TENM3: variants seen among roughly 807,000 people sequenced by gnomAD.
TENM3 encodes the protein teneurin-3.
TENM3 carries 63 observed loss-of-function variants against 255.1 expected under a neutral mutation model. That is an observed-to-expected ratio of 0.25 (90% CI 0.20 to 0.30). The LOEUF is 0.30. Among genes scored for constraint, TENM3 ranks in the 10% least tolerant of loss-of-function variants. TENM3 has a pLI of 1.00. For missense variants in TENM3, 2,929 were observed against 3,461.1 expected (o/e 0.85, Z 3.86); for synonymous variants, 1,306 against 1,322.3 (o/e 0.99, Z 0.27).
chr4:181,757,508 T>C, the TENM3 span, among the ~76,000 whole-genome samples: 1 of 152,174 alleles, frequency 6.6e-6, no homozygotes, highest in African/African-American at 2.4e-5. Context: ...CCAAATGTAA[T>C]AGAAACCAGG....
chr4:181,532,597 T>C, the TENM3 span, among the ~76,000 whole-genome samples: 1 of 152,210 alleles, frequency 6.6e-6, no homozygotes, highest in Non-Finnish European at 1.5e-5. Context: ...AACACCCTAT[T>C]TGAGTATATC....
At chr4:182,326,808 G>A (rs143619240) in intron 2 of TENM3, among the ~76,000 whole-genome samples, 3 of 152,260 alleles carry the variant, frequency 2.0e-5, no homozygotes, top group Admixed American at 6.5e-5. Context: ...CTCCCTAAGT[G>A]CTGAAATAAC....
the TENM3 span, among the ~76,000 whole-genome samples, chr4:182,007,414 G>A: frequency 6.6e-6 from 1 of 152,092 alleles, no homozygotes; most frequent in African/African-American, 2.4e-5. Flanking sequence ...CTCCTGTATT[G>A]GGTGCATATA....
the TENM3 span, among the ~76,000 whole-genome samples, chr4:181,607,129 G>C: frequency 6.6e-6 from 1 of 152,186 alleles, no homozygotes; most frequent in Non-Finnish European, 1.5e-5. Flanking sequence ...AGACAGAGTT[G>C]GAATTTGGTC....
intron 3 of TENM3, among the ~76,000 whole-genome samples, chr4:182,526,841 G>A (rs887126158): frequency 6.6e-6 from 1 of 152,162 alleles, no homozygotes; most frequent in African/African-American, 2.4e-5. Context: ...GTTGAATTGT[G>A]TGATGATAGT....
Position 182,359,223 on chromosome 4 carries a change from G to A in TENM3, c.511+12294G>A, listed in dbSNP as rs1036958511. The stretch of plus-strand genomic sequence containing the variant: ...TGCCCGGCTTTGGTATCGGGATGAT[G>A]CTGGCCTCATAAAATGAGTTAGGGA... On this transcript the variant is annotated intron_variant, in intron 3 of 27. Coordinates refer to ENST00000511685, the MANE Select transcript of TENM3 (RefSeq NM_001080477.4). Among the ~76,000 whole-genome samples, 8 of 152,178 alleles carry A rather than the reference G, an allele frequency of 5.3e-5. No homozygotes were observed. The East Asian group carries it at 9.6e-4, about 18-fold the overall frequency.
chr4:182,270,744 A>G (rs1417580256), intron 1 of TENM3, among the ~76,000 whole-genome samples: 1 of 152,256 alleles, frequency 6.6e-6, no homozygotes, highest in Non-Finnish European at 1.5e-5. Context: ...ATGTTTGTGT[A>G]TAACCTGATA....
chr4:181,597,573 G>C, the TENM3 span, among the ~76,000 whole-genome samples: 1 of 151,420 alleles, frequency 6.6e-6, no homozygotes, highest in South Asian at 2.1e-4. Flanking sequence ...TTCCTTAACA[G>C]TTGTCTATGA....
At chr4:181,638,173 G>A in the TENM3 span, among the ~76,000 whole-genome samples, 2 of 152,168 alleles carry the variant, frequency 1.3e-5, no homozygotes, top group African/African-American at 4.8e-5. Context: ...TACTTAAACT[G>A]GTTGTTGGTA....
chr4:182,083,547 G>T, the TENM3 span, among the ~76,000 whole-genome samples: 2 of 151,904 alleles, frequency 1.3e-5, no homozygotes, highest in South Asian at 2.1e-4. Context: ...TAAATGTGCC[G>T]CATTTTAGAC....
chr4:182,502,208 G>T (rs1339197791), intron 3 of TENM3, among the ~76,000 whole-genome samples: 1 of 152,106 alleles, frequency 6.6e-6, no homozygotes, highest in Non-Finnish European at 1.5e-5. Flanking sequence ...CTACCACCCT[G>T]CACCTCAAGG....
intron 3 of TENM3, among the ~76,000 whole-genome samples, chr4:182,413,007 G>GA (rs1770105119): frequency 6.6e-6 from 1 of 151,886 alleles, no homozygotes; most frequent in Non-Finnish European, 1.5e-5. Context: ...AACATAATTG[G>GA]AAAAAATTAT....
At chr4:182,347,380 A>G (rs1764897335) in intron 3 of TENM3, among the ~76,000 whole-genome samples, 1 of 152,190 alleles carries the variant, frequency 6.6e-6, no homozygotes, top group Non-Finnish European at 1.5e-5. Context: ...AAATCTTAGA[A>G]TGGATGAGTG....
chr4:181,656,925 A>G, the TENM3 span, among the ~76,000 whole-genome samples: 1 of 152,248 alleles, frequency 6.6e-6, no homozygotes, highest in Admixed American at 6.5e-5. Flanking sequence ...TTGTAGCAAC[A>G]CAATGACGTA....
chr4:181,595,360 G>A, the TENM3 span, among the ~76,000 whole-genome samples: 1,525 of 150,526 alleles, frequency 0.01, 21 homozygotes, highest in African/African-American at 0.035. Flanking sequence ...AAACCCAGGA[G>A]GCGGAGGCTG....
intron 1 of TENM3, among the ~76,000 whole-genome samples, chr4:182,295,261 C>CTTTTTTTTTT (rs752005972): frequency 6.0e-4 from 42 of 70,434 alleles, no homozygotes; most frequent in East Asian, 1.1e-3. Context: ...CTTTGCTTTT[C>CTTTTTTTTTT]TTTTTTTTTT....
At chr4:182,122,763 A>G in the TENM3 span, among the ~76,000 whole-genome samples, 1 of 152,238 alleles carries the variant, frequency 6.6e-6, no homozygotes, top group African/African-American at 2.4e-5. Flanking sequence ...GCTAGTTAAA[A>G]GAGACTCAGC....
At chr4:181,682,406 T>C in the TENM3 span, among the ~76,000 whole-genome samples, 1 of 152,068 alleles carries the variant, frequency 6.6e-6, no homozygotes, top group African/African-American at 2.4e-5. Context: ...CAGTGAAAAA[T>C]GGGAAAAAGC....
At chr4:181,997,570 T>C in the TENM3 span, among the ~76,000 whole-genome samples, 2 of 147,004 alleles carry the variant, frequency 1.4e-5, no homozygotes, top group Non-Finnish European at 3.0e-5. Flanking sequence ...GGAGGGAAAC[T>C]GAATTGATGC....
Sources: allele counts gnomAD v4.1 joint callset (sites outside exome capture counted in the v4.1 genomes callset), GRCh38; gene constraint gnomAD v4.1.1; transcripts MANE v1.5; gene names NCBI Gene and HGNC (gene_info 2026-07-23, HGNC 2026-07-21).